EXT1: variants seen among roughly 807,000 people sequenced by gnomAD.
EXT1 encodes exostosin glycosyltransferase 1.
Under a neutral mutation model 82.5 loss-of-function variants are expected in EXT1, and 20 were observed. The observed-to-expected ratio is 0.24, with a 90% CI of 0.17 to 0.35. The LOEUF is 0.35. Ranked by LOEUF, EXT1 falls within the 10% of genes least tolerant of loss-of-function variation. EXT1 has a pLI of 1.00. For missense variants in EXT1, 757 were observed against 936.5 expected (o/e 0.81, Z 2.50); for synonymous variants, 348 against 350.8 (o/e 0.99, Z 0.09).
chr8:118,056,421 A>G, intron 1 of EXT1, among the ~76,000 whole-genome samples: 1 of 152,188 alleles, frequency 6.6e-6, no homozygotes, highest in Middle Eastern at 3.2e-3. Context: ...AAGGAAATGA[A>G]TGGACTCAGT....
intron 1 of EXT1, among the ~76,000 whole-genome samples, chr8:118,067,024 G>A (rs1817001321): frequency 6.6e-6 from 1 of 152,182 alleles, no homozygotes; most frequent in South Asian, 2.1e-4. Context: ...GTAAGTCTCT[G>A]GTAGATTGTT....
In EXT1 at chr8:117,830,284, G is replaced by A. The variant is rs1291270974; in HGVS notation, c.1230C>T (p.Phe410=). ...KILALRQQTQ[F]LWEAYFSSVE... is the part of the protein sequence containing the mutation. ...CTGAAGAAAAATAAGCCTCCCACAA[G>A]AATTGTGTCTGCTGTCTAAGTGCTA... Residue 410 remains phenylalanine, a synonymous_variant, in exon 4 of 11, where the codon TTC becomes TTT. Transcript: ENST00000378204. The A allele has an allele frequency of 1.2e-6, 2 of 1,613,932 alleles. No individual in the cohort carries two copies. Among genetic ancestry groups the A allele is most frequent in the East Asian group, 4.5e-5 (2 of 44,870 alleles).
chr8:118,026,395 T>G (rs1816202635), intron 1 of EXT1, among the ~76,000 whole-genome samples: 1 of 152,212 alleles, frequency 6.6e-6, no homozygotes, highest in African/African-American at 2.4e-5. Context: ...CTGGGCTCTT[T>G]TTCCTTTCAA....
chr8:118,020,687 G>A (rs1816088971), intron 1 of EXT1, among the ~76,000 whole-genome samples: 1 of 152,256 alleles, frequency 6.6e-6, no homozygotes, highest in African/African-American at 2.4e-5. Context: ...TACATTATGG[G>A]TTAGCACGGA....
intron 1 of EXT1, among the ~76,000 whole-genome samples, chr8:117,873,447 CTTTTTTTTTTTTTT>C (rs1184985472): frequency 1.0e-5 from 1 of 99,676 alleles, no homozygotes; most frequent in East Asian, 2.8e-4. Flanking sequence ...TGTCCTGTGA[CTTTTTTTTTTTTTT>C]TTTTTTTTTT....
At chr8:117,920,875 T>G (rs1331790583) in intron 1 of EXT1, among the ~76,000 whole-genome samples, 1 of 152,246 alleles carries the variant, frequency 6.6e-6, no homozygotes, top group African/African-American at 2.4e-5. Context: ...AACAGAGCCT[T>G]GGGTGCCACC....
chr8:117,892,137 G>A (rs1813255590), intron 1 of EXT1, among the ~76,000 whole-genome samples: 1 of 152,152 alleles, frequency 6.6e-6, no homozygotes, highest in Non-Finnish European at 1.5e-5. Context: ...GTCCACTGAT[G>A]GTAGAGGTTG....
intron 1 of EXT1, among the ~76,000 whole-genome samples, chr8:117,993,796 T>C (rs1199889808): frequency 6.6e-6 from 1 of 152,186 alleles, no homozygotes; most frequent in Non-Finnish European, 1.5e-5. Context: ...CTACTAAAAA[T>C]GTCCTGGTTA....
At position 117,842,010 on chromosome 8, in the gene EXT1, C is replaced by T. The variant is rs149611218; in HGVS notation, c.963-4809G>A. Among the ~76,000 whole-genome samples, 766 of 152,266 alleles carry T rather than the reference C, an allele frequency of 5.0e-3. 4 individuals carry two copies. The highest frequency in any genetic ancestry group is 6.1e-3 in the Non-Finnish European group (415 of 68,024). On this transcript the variant is annotated intron_variant, in intron 1 of 10. Transcript: ENST00000378204. ...ACTTGGTAGAAATGCAAATTCTCAG[C>T]CTCACCCAAACCTGCTGAATCAGAA...
chr8:117,977,124 C>T (rs1815080313), intron 1 of EXT1, among the ~76,000 whole-genome samples: 1 of 152,068 alleles, frequency 6.6e-6, no homozygotes, highest in African/African-American at 2.4e-5. Flanking sequence ...TGATAGCTTG[C>T]ACCTATAATC....
intron 1 of EXT1, among the ~76,000 whole-genome samples, chr8:118,028,778 C>T (rs1416359359): frequency 1.3e-5 from 2 of 151,850 alleles, no homozygotes; most frequent in South Asian, 2.1e-4. Flanking sequence ...CAAAATTAGC[C>T]GGGTGTGGTG....
intron 1 of EXT1, among the ~76,000 whole-genome samples, chr8:117,988,169 C>A (rs1564132): frequency 0.75 from 114,239 of 152,162 alleles, 44,315 homozygotes; most frequent in African/African-American, 0.94. Context: ...TCCCACTGGC[C>A]AAACAAGGCT....
chr8:117,839,980 A>C (rs2129799047), intron 1 of EXT1, among the ~76,000 whole-genome samples: 1 of 152,342 alleles, frequency 6.6e-6, no homozygotes, highest in African/African-American at 2.4e-5. Flanking sequence ...TTGCATTATA[A>C]GAGGAGATTA....
At chr8:118,011,121 A>G (rs1815891039) in intron 1 of EXT1, among the ~76,000 whole-genome samples, 2 of 152,294 alleles carry the variant, frequency 1.3e-5, no homozygotes, top group Middle Eastern at 3.4e-3. Context: ...TCACCATGAG[A>G]AAGTGTTATA....
In EXT1 at chr8:117,934,908, C is replaced by T. The variant is rs1439357273; in HGVS notation, c.963-97707G>A. On this transcript the variant is annotated intron_variant, in intron 1 of 10. Coordinates refer to ENST00000378204, the MANE Select transcript of EXT1 (RefSeq NM_000127.3). ...TGGGAATCTCAAAGCCACTCCAGCC[C>T]TTTCGCCCTGAATTGATCCTACACA... Among the ~76,000 whole-genome samples the T allele has an allele frequency of 2.0e-5, 3 of 152,188 alleles. No individual in the cohort carries two copies. In the East Asian group the frequency reaches 5.8e-4, roughly 29 times the overall value.
intron 1 of EXT1, among the ~76,000 whole-genome samples, chr8:118,088,562 G>C (rs1302495920): frequency 1.3e-5 from 2 of 151,350 alleles, no homozygotes; most frequent in Non-Finnish European, 2.9e-5. Context: ...ACTAAAATTT[G>C]ACAGTTTCTT....
At chr8:117,998,956 G>A (rs1815604250) in intron 1 of EXT1, among the ~76,000 whole-genome samples, 1 of 152,212 alleles carries the variant, frequency 6.6e-6, no homozygotes, top group East Asian at 1.9e-4. Flanking sequence ...GAGAAGGGAG[G>A]GAACATAAGT....
intron 7 of EXT1, 151 bp from the exon 8 acceptor site, chr8:117,813,112 C>T (rs544707995): frequency 4.3e-6 from 3 of 696,232 alleles, no homozygotes; most frequent in Non-Finnish European, 7.8e-6. Flanking sequence ...TCTCATTTCC[C>T]ATCAATGCAG....
chr8:117,911,522 C>G (rs1223495835), intron 1 of EXT1, among the ~76,000 whole-genome samples: 5 of 152,198 alleles, frequency 3.3e-5, no homozygotes, highest in Admixed American at 3.3e-4. Flanking sequence ...CCCACTCAAG[C>G]TCAGAGAGCT....
Sources: gnomAD v4.1 joint callset for allele counts (sites outside exome capture counted in the v4.1 genomes callset) on GRCh38, gnomAD v4.1.1 for gene constraint, MANE v1.5 for transcripts, NCBI Gene and HGNC (gene_info 2026-07-23, HGNC 2026-07-21) for gene names.